The following ANO3 variants were observed in gnomAD, a reference collection of about 807,000 sequenced individuals.
The protein encoded by ANO3 is anoctamin-3.
In ANO3, 99 loss-of-function variants were observed where a neutral mutation model predicts 144.8. The observed-to-expected ratio is 0.68, with a 90% confidence interval of 0.58 to 0.81. The LOEUF is 0.81. Ranked by LOEUF, ANO3 falls within the 30% of genes least tolerant of loss-of-function variation. The pLI is 0.00. For synonymous variants in ANO3, 414 were observed against 392.6 expected, an observed-to-expected ratio of 1.05 and a Z score of -0.64; for missense variants, 905 against 1,202.2, an observed-to-expected ratio of 0.75 and a Z score of 3.66.
At chr11:26,405,991 A>G (rs765831645) in intron 1 of ANO3, among the ~76,000 whole-genome samples, 4 of 151,864 alleles carry the variant, frequency 2.6e-5, no homozygotes, top group African/African-American at 7.2e-5. Context: ...CCCTAATGGC[A>G]CAATCACTGA....
upstream of ANO3, among the ~76,000 whole-genome samples, chr11:26,330,420 T>G (rs1416193116): frequency 3.3e-5 from 5 of 152,202 alleles, no homozygotes; most frequent in South Asian, 4.1e-4. Flanking sequence ...CACACTGAGT[T>G]CATTGTCTGT....
In ANO3 at chr11:26,401,865, C is replaced by G. The variant is rs185174085; in HGVS notation, c.47-40053C>G. Among the ~76,000 whole-genome samples the G allele has an allele frequency of 3.8e-3, 571 of 152,090 alleles. 5 individuals are homozygous for G. Among genetic ancestry groups the G allele is most frequent in the African/African-American group, 9.6e-3 (399 of 41,514 alleles). Reference sequence around the variant, plus strand: ...GTCTACCTCGTTAACCCAGACGATTCCACATTGTAGAATCTGGTACTTTCA... The same window carrying G: ...GTCTACCTCGTTAACCCAGACGATTGCACATTGTAGAATCTGGTACTTTCA... On this transcript the variant is annotated intron_variant, in intron 1 of 26. Transcript: ENST00000256737.
At chr11:26,370,527 G>T (rs1254367826) in intron 1 of ANO3, among the ~76,000 whole-genome samples, 1 of 152,142 alleles carries the variant, frequency 6.6e-6, no homozygotes, top group Non-Finnish European at 1.5e-5. Flanking sequence ...TGGGTAACAG[G>T]TAGAGGTTGC....
In ANO3 at chr11:26,238,108, G is replaced by A. The variant is rs149267404; in HGVS notation, c.154+48778G>A. 7.3e-3 allele frequency among the ~76,000 whole-genome samples: 1,109 copies of A among 152,114 alleles called. 9 individuals are homozygous for A. The highest frequency in any genetic ancestry group is 0.024 in the African/African-American group (988 of 41,526). On this transcript the variant is annotated intron_variant, in intron 1 of 27. Transcript: ENST00000672621. The stretch of plus-strand genomic sequence containing the variant: ...CCTACTATTACCCCATGTGTGTTGT[G>A]CATAAAATTGTGTGTGTGCATGGGC...
intron 1 of ANO3, among the ~76,000 whole-genome samples, chr11:26,362,158 A>G (rs1201152984): frequency 1.3e-5 from 2 of 152,188 alleles, no homozygotes; most frequent in East Asian, 1.9e-4. Flanking sequence ...TCGCACACTC[A>G]TAATTGTTCT....
Position 26,463,107 on chromosome 11 carries a change from G to T in ANO3, c.391G>T (p.Val131Phe), listed in dbSNP as rs750501222. The T allele has an allele frequency of 2.5e-6, 4 of 1,592,692 alleles. No homozygotes were observed. The East Asian group carries it at 9.1e-5, about 36-fold the overall frequency. The change falls in exon 4 of 27, where the codon GTT becomes TTT. Residue 131 changes from valine (V) to phenylalanine (F), a missense_variant. This residue lies in a region of ANO3 where 174 missense variants were observed against 171.9 expected (regional missense o/e 1.01). Transcript: ENST00000256737. ...YDRSRLINDF[V>F]IKDKSEFKTK... ...CCGATCTCGTCTCATTAATGACTTT[G>T]TTATCAAAGATAAATCTGAATTCAA...
At chr11:26,425,799 C>A (rs1857902455) in intron 1 of ANO3, among the ~76,000 whole-genome samples, 1 of 152,078 alleles carries the variant, frequency 6.6e-6, no homozygotes, top group African/African-American at 2.4e-5. Flanking sequence ...GTTTTATCCA[C>A]AATTGCTATG....
chr11:26,629,561 C>A (rs553546790), intron 18 of ANO3, among the ~76,000 whole-genome samples: 5 of 152,236 alleles, frequency 3.3e-5, no homozygotes, highest in Admixed American at 6.5e-5. Context: ...TTTTAGACAA[C>A]GTGATAGGGA....
intron 1 of ANO3, among the ~76,000 whole-genome samples, chr11:26,380,937 G>A (rs890989140): frequency 1.6e-4 from 24 of 152,022 alleles, no homozygotes; most frequent in Admixed American, 3.9e-4. Context: ...AGCCAAGATC[G>A]CACCATTGCA....
intron 3 of ANO3, among the ~76,000 whole-genome samples, chr11:26,448,315 A>AT (rs1427515434): frequency 6.7e-6 from 1 of 149,974 alleles, no homozygotes; most frequent in Non-Finnish European, 1.5e-5. Flanking sequence ...AAAAAAAAAA[A>AT]GAAAGAAATA....
chr11:26,493,521 A>C (rs1444238935), intron 4 of ANO3, among the ~76,000 whole-genome samples: 1 of 152,212 alleles, frequency 6.6e-6, no homozygotes, highest in East Asian at 1.9e-4. Context: ...CATCAGCAGC[A>C]GAGAGCTAGA....
At chr11:26,290,342 T>C (rs1224709649) in intron 1 of ANO3, among the ~76,000 whole-genome samples, 1 of 152,188 alleles carries the variant, frequency 6.6e-6, no homozygotes, top group Admixed American at 6.5e-5. Flanking sequence ...TCAATTTTGT[T>C]GATCTTTTCA....
chr11:26,626,028 A>C (rs1852572477), intron 18 of ANO3, among the ~76,000 whole-genome samples: 1 of 152,102 alleles, frequency 6.6e-6, no homozygotes, highest in Admixed American at 6.5e-5. Context: ...ATTTTGAAGG[A>C]GTTTCATTTT....
intron 7 of ANO3, among the ~76,000 whole-genome samples, chr11:26,529,427 TTATTATATAATATCATATATA>T: frequency 2.4e-4 from 2 of 8,198 alleles, no homozygotes; most frequent in African/African-American, 6.2e-4. Flanking sequence ...ATATATTATA[TTATTATATAATATCATATATA>T]ATATATATGA....
intron 6 of ANO3, among the ~76,000 whole-genome samples, chr11:26,517,410 T>A (rs1468294167): frequency 6.6e-6 from 1 of 152,068 alleles, no homozygotes; most frequent in African/African-American, 2.4e-5. Context: ...ATAAGAGGAC[T>A]GCTTCTTTCA....
chr11:26,264,011 T>C (rs1853252768), intron 1 of ANO3, among the ~76,000 whole-genome samples: 1 of 152,238 alleles, frequency 6.6e-6, no homozygotes, highest in Admixed American at 6.5e-5. Flanking sequence ...AGTTCTATAT[T>C]CATCATCATT....
At chr11:26,638,321 T>TAA (rs1215077539) in intron 20 of ANO3, among the ~76,000 whole-genome samples, 3 of 152,232 alleles carry the variant, frequency 2.0e-5, no homozygotes, top group Non-Finnish European at 4.4e-5. Context: ...ATATCCCTGA[T>TAA]ACGATGTGAG....
chr11:26,388,931 A>T (rs1289626098), intron 1 of ANO3, among the ~76,000 whole-genome samples: 1 of 152,208 alleles, frequency 6.6e-6, no homozygotes, highest in East Asian at 1.9e-4. Flanking sequence ...GGAGTCTGCC[A>T]TGATTCAAAT....
At chr11:26,519,800 G>A (rs949316914) in intron 6 of ANO3, among the ~76,000 whole-genome samples, 1 of 152,084 alleles carries the variant, frequency 6.6e-6, no homozygotes, top group African/African-American at 2.4e-5. Context: ...ACAAATGTTT[G>A]CCTTACCCCT....
Sources: allele counts gnomAD v4.1 joint callset (sites outside exome capture counted in the v4.1 genomes callset), GRCh38; gene constraint gnomAD v4.1.1; regional missense constraint gnomAD v4.1.1; transcripts MANE v1.5; gene names NCBI Gene and HGNC (gene_info 2026-07-23, HGNC 2026-07-21).